Variants in SNX27 observed in about 807,000 individuals in gnomAD.
SNX27 encodes sorting nexin 27.
SNX27 carries 22 observed loss-of-function variants against 71.6 expected under a neutral mutation model. The observed-to-expected ratio is 0.31, with a 90% CI of 0.22 to 0.44. The LOEUF is 0.44. Ranked by LOEUF, SNX27 falls within the 20% of genes least tolerant of loss-of-function variation. The pLI, the probability that SNX27 is intolerant of heterozygous loss-of-function variation, is 1.00. For missense variants in SNX27, 531 were observed against 698.6 expected, an observed-to-expected ratio of 0.76 and a Z score of 2.70; for synonymous variants, 269 against 277.2, an observed-to-expected ratio of 0.97 and a Z score of 0.29.
chr1:151,657,835 T>C (rs550292060), intron 2 of SNX27, among the ~76,000 whole-genome samples: 1 of 152,222 alleles, frequency 6.6e-6, no homozygotes, highest in Admixed American at 6.5e-5. Flanking sequence ...ACCCCTTCTC[T>C]ACTAAAAATA....
At chr1:151,674,856 T>G (rs990654461) in intron 7 of SNX27, among the ~76,000 whole-genome samples, 1 of 152,040 alleles carries the variant, frequency 6.6e-6, no homozygotes, top group South Asian at 2.1e-4. Context: ...CCAGCTAATT[T>G]TTGTATTTTT....
chr1:151,683,472 TA>T, intron 8 of SNX27, 27 bp downstream of exon 8: 1 of 1,548,020 alleles, frequency 6.5e-7, no homozygotes, highest in Non-Finnish European at 8.9e-7. Context: ...ATAATCCCTT[TA>T]AAAATGCCCC....
intron 2 of SNX27, among the ~76,000 whole-genome samples, chr1:151,643,229 A>G (rs78210033): frequency 6.8e-6 from 1 of 147,860 alleles, no homozygotes. Context: ...CTCCCAAAGT[A>G]CTGGGATTAC....
chr1:151,678,124 G>A (rs976344523), intron 7 of SNX27: 3 of 152,104 alleles, frequency 2.0e-5, no homozygotes, highest in African/African-American at 7.2e-5. Flanking sequence ...TTGAACGTCT[G>A]ACCTCAAACG....
Position 151,637,155 on chromosome 1 carries a change from T to G in SNX27, c.312-1733T>G, listed in dbSNP as rs895337866. Among the ~76,000 whole-genome samples the G allele has an allele frequency of 1.6e-4, 4 of 25,248 alleles. No homozygotes were observed. In the Non-Finnish European group the frequency reaches 1.7e-3, roughly 11 times the overall value. 16.6% of individuals were successfully genotyped at this position (25,248 alleles called of 152,430 possible). ...GGTATATGATCAGAGTTGATCACGT[T>G]TTTTTTGTTTTTTTGTTTTTTTTTT... On this transcript the variant is annotated intron_variant, in intron 1 of 11. Transcript: ENST00000458013.
chr1:151,681,235 C>CTTTTTTATTTTTTTTTTT (rs1670932184), intron 7 of SNX27, among the ~76,000 whole-genome samples: 1 of 60,700 alleles, frequency 1.6e-5, no homozygotes, highest in African/African-American at 6.4e-5. Flanking sequence ...GTCTCTCAAT[C>CTTTTTTATTTTTTTTTTT]TTTTTTTTTT....
rs767939976 is a variant in SNX27 at position 151,683,361 on chromosome 1, CGAT to C, written c.1160_1162del (p.Asp387del). ...TACTTCTGTTTTGGTGATAGGCAGT[CGAT>C]GATGTGAAGAAAGGTTACATCAAAG... On this transcript the variant is annotated inframe_deletion, in exon 8 of 12. Coordinates refer to ENST00000458013, the MANE Select transcript of SNX27 (RefSeq NM_001330723.2). 1 of 1,611,392 alleles carries C rather than the reference CGAT, an allele frequency of 6.2e-7. No individual in the cohort carries two copies. The highest frequency in any genetic ancestry group is 1.7e-5 in the Admixed American group (1 of 59,438).
intron 8 of SNX27, among the ~76,000 whole-genome samples, 190 bp from the exon 9 acceptor site, chr1:151,692,245 T>C (rs549463808): frequency 3.3e-5 from 5 of 151,912 alleles, no homozygotes; most frequent in East Asian, 1.9e-4. Context: ...AGAAAAGAAT[T>C]GTCTCAGAGT....
At chr1:151,647,134 T>TA (rs1184565459) in intron 2 of SNX27, among the ~76,000 whole-genome samples, 1 of 148,582 alleles carries the variant, frequency 6.7e-6, no homozygotes, top group Non-Finnish European at 1.5e-5. Flanking sequence ...CTCTATTACT[T>TA]TTTTTTTTTT....
chr1:151,621,560 G>A (rs537955040), intron 1 of SNX27, among the ~76,000 whole-genome samples: 2 of 152,282 alleles, frequency 1.3e-5, no homozygotes, highest in Admixed American at 1.3e-4. Context: ...ACTTCCCTCT[G>A]GAAAAGTACA....
chr1:151,633,540 C>T (rs555635986), intron 1 of SNX27, among the ~76,000 whole-genome samples: 102 of 117,300 alleles, frequency 8.7e-4, no homozygotes, highest in Admixed American at 5.2e-3. Flanking sequence ...TCAAGTGATC[C>T]GCCCTGCCTC....
At chr1:151,622,481 T>A (rs1319282781) in intron 1 of SNX27, among the ~76,000 whole-genome samples, 1 of 152,134 alleles carries the variant, frequency 6.6e-6, no homozygotes, top group African/African-American at 2.4e-5. Context: ...ATTATCAAAA[T>A]TTTTTTTCCT....
At chr1:151,626,327 G>C (rs551121300) in intron 1 of SNX27, among the ~76,000 whole-genome samples, 37 of 151,338 alleles carry the variant, frequency 2.4e-4, no homozygotes, top group Non-Finnish European at 4.9e-4. Flanking sequence ...ATTAAATGAA[G>C]GTTTTTTTGG....
rs201966711 is a variant in SNX27, at chr1:151,683,424, C to T, written c.1218C>T (p.Tyr406=). 8 of 1,613,116 alleles carry T rather than the reference C, an allele frequency of 5.0e-6. No homozygotes were observed. The highest frequency in any genetic ancestry group is 1.7e-5 in the Admixed American group (1 of 59,898). The change falls in exon 8 of 12, where the codon TAC becomes TAT. Residue 406 remains tyrosine (Y), a synonymous_variant. Coordinates refer to ENST00000458013, the MANE Select transcript of SNX27 (RefSeq NM_001330723.2). ...EEKSYQLQKL[Y]EQRKMVMYLN... Reference sequence around the variant, plus strand: ...AGTCCTATCAATTACAGAAGCTATACGAACAAAGAAAAATGGTCATGGTAA... The same window carrying T: ...AGTCCTATCAATTACAGAAGCTATATGAACAAAGAAAAATGGTCATGGTAA...
At chr1:151,694,097 C>T in intron 11 of SNX27, 1 of 1,245,500 alleles carries the variant, frequency 8.0e-7, no homozygotes, top group Non-Finnish European at 1.0e-6. Flanking sequence ...TTTCTCCTGG[C>T]TTTTTTTTCC....
intron 8 of SNX27, among the ~76,000 whole-genome samples, chr1:151,691,183 T>C (rs180868859): frequency 1.9e-4 from 29 of 152,094 alleles, no homozygotes; most frequent in Admixed American, 1.3e-3. Context: ...CTCAGGAGGC[T>C]GAGGTAGGAG....
At chr1:151,693,125 T>A (rs188500357) in intron 10 of SNX27, 86 bp downstream of exon 10, 1 of 1,512,562 alleles carries the variant, frequency 6.6e-7, no homozygotes, top group Non-Finnish European at 9.0e-7. Flanking sequence ...GAGAGAGAGA[T>A]AGAGCTAGTA....
chr1:151,625,072 T>A (rs1002861708), intron 1 of SNX27, among the ~76,000 whole-genome samples: 1 of 152,186 alleles, frequency 6.6e-6, no homozygotes, highest in Non-Finnish European at 1.5e-5. Flanking sequence ...GACAAGTTAT[T>A]TATTCTTTTT....
At chr1:151,694,241 TATATC>T (rs1203495815) in intron 11 of SNX27, 124 bp from the exon 12 acceptor site, 2 of 1,468,088 alleles carry the variant, frequency 1.4e-6, no homozygotes, top group Admixed American at 2.4e-5. Flanking sequence ...GATGAGAAGT[TATATC>T]AAGAAAGATG....
Sources: allele counts gnomAD v4.1 joint callset (sites outside exome capture counted in the v4.1 genomes callset), GRCh38; gene constraint gnomAD v4.1.1; transcripts MANE v1.5; gene names NCBI Gene and HGNC (gene_info 2026-07-23, HGNC 2026-07-21).